UBXN4: variants seen among roughly 807,000 people sequenced by gnomAD.
UBXN4 encodes the protein UBX domain protein 4, also known as UBX domain-containing protein 4.
Under a neutral mutation model 66.2 loss-of-function variants are expected in UBXN4, and 35 were observed. The observed-to-expected ratio is 0.53, with a 90% CI of 0.40 to 0.70. UBXN4 has a LOEUF of 0.70. UBXN4 is among the 30% of genes least tolerant of loss of function. UBXN4 has a pLI of 0.00. For missense variants in UBXN4, 533 were observed against 599.8 expected (o/e 0.89, Z 1.16); for synonymous variants, 203 against 204.5 (o/e 0.99, Z 0.06).
intron 2 of UBXN4, among the ~76,000 whole-genome samples, chr2:135,752,577 G>A (rs985817801): frequency 2.0e-5 from 3 of 152,210 alleles, no homozygotes; most frequent in African/African-American, 7.2e-5. Flanking sequence ...ACATGCCTAA[G>A]TAAGTCGTAG....
At chr2:135,777,859 T>C (rs1313405806) in intron 10 of UBXN4, among the ~76,000 whole-genome samples, 1 of 143,970 alleles carries the variant, frequency 6.9e-6, no homozygotes, top group East Asian at 2.1e-4. Context: ...CTCCAGTCTG[T>C]GCAACAGAGC....
At chr2:135,743,301 GGTTATAT>G (rs1252428094) in intron 1 of UBXN4, among the ~76,000 whole-genome samples, 1 of 151,980 alleles carries the variant, frequency 6.6e-6, no homozygotes, top group East Asian at 1.9e-4. Context: ...GCTGTCTGGG[GGTTATAT>G]TATACTTTAC....
intron 5 of UBXN4, among the ~76,000 whole-genome samples, chr2:135,758,861 T>C (rs1365339086): frequency 6.6e-6 from 1 of 151,990 alleles, no homozygotes; most frequent in East Asian, 1.9e-4. Context: ...CAGGTTCAAG[T>C]GATTCTCCTG....
rs563811446 is a variant in UBXN4, at chr2:135,780,127, G to A, written c.1186-56G>A. On this transcript the variant is annotated intron_variant, in intron 11 of 12. Transcript: ENST00000272638. ...ATAAAAGTTTCATCTGGAACCTTGG[G>A]CGTGATGTGATTGTGCTAACGTAGT... 48 of 1,557,974 alleles carry A rather than the reference G, an allele frequency of 3.1e-5. 1 individual carries two copies. In the African/African-American group the frequency reaches 4.3e-4, roughly 14 times the overall value.
intron 1 of UBXN4, among the ~76,000 whole-genome samples, chr2:135,746,225 A>G (rs1334111855): frequency 6.6e-6 from 1 of 152,116 alleles, no homozygotes; most frequent in Non-Finnish European, 1.5e-5. Context: ...CTCATCTCAC[A>G]AAATATATGC....
chr2:135,762,038 T>A, intron 6 of UBXN4, 127 bp downstream of exon 6: 1 of 908,326 alleles, frequency 1.1e-6, no homozygotes, highest in East Asian at 2.7e-5. Context: ...AAATTTTTGA[T>A]CACCTAACTA....
At chr2:135,775,854 C>T (rs1210892504) in intron 9 of UBXN4, among the ~76,000 whole-genome samples, 1 of 152,180 alleles carries the variant, frequency 6.6e-6, no homozygotes, top group African/African-American at 2.4e-5. Flanking sequence ...GCAACCTACA[C>T]CTCCCGGGTT....
Position 135,782,984 on chromosome 2 carries a change from A to C in UBXN4, c.*97A>C. 2 of 1,336,382 alleles carry C rather than the reference A, an allele frequency of 1.5e-6. No individual in the cohort carries two copies. The highest frequency in any genetic ancestry group is 2.1e-6 in the Non-Finnish European group (2 of 974,138). 82.8% of individuals were successfully genotyped at this position (1,336,382 alleles called of 1,614,324 possible). A position where few individuals can be genotyped will look rare whatever the true frequency, so the allele number is the denominator to read the frequency against. ...AAGTGGGACTGCTTTATATTTTCCA[A>C]CTGGTCTATAAAATGTCTCTTTATT... On this transcript the variant is annotated 3_prime_UTR_variant, in exon 13 of 13. Transcript: ENST00000272638.
intron 6 of UBXN4, among the ~76,000 whole-genome samples, chr2:135,766,845 G>T (rs1290654899): frequency 6.6e-6 from 1 of 152,070 alleles, no homozygotes; most frequent in African/African-American, 2.4e-5. Context: ...ACTTCACCCG[G>T]TGGTTTCAGC....
At chr2:135,770,471 T>C in intron 7 of UBXN4, 100 bp from the exon 8 acceptor site, 1 of 778,024 alleles carries the variant, frequency 1.3e-6, no homozygotes, top group East Asian at 3.0e-5. Flanking sequence ...TTACATTTTA[T>C]GAAGTTTTAT....
intron 5 of UBXN4, among the ~76,000 whole-genome samples, chr2:135,757,785 ATTTT>A (rs112696573): frequency 7.0e-6 from 1 of 143,738 alleles, no homozygotes. Context: ...CTTAAAAAAA[ATTTT>A]TTTTTTTTTT....
At chr2:135,756,440 A>G (rs980897371) in intron 5 of UBXN4, among the ~76,000 whole-genome samples, 2 of 152,166 alleles carry the variant, frequency 1.3e-5, no homozygotes, top group African/African-American at 2.4e-5. Flanking sequence ...CCTTATATTG[A>G]GCTGAAATTT....
In UBXN4 at chr2:135,753,597, A is replaced by G. The variant is rs746625482; in HGVS notation, c.214+30A>G. The stretch of plus-strand genomic sequence containing the variant: ...CCTTTCAGTAAAGAATGGCTTATAT[A>G]TATACATTTATTTACCTTCCTTTTG... On this transcript the variant is annotated intron_variant, in intron 3 of 12. Coordinates refer to ENST00000272638, the MANE Select transcript of UBXN4 (RefSeq NM_014607.4). 32 of 1,472,072 alleles carry G rather than the reference A, an allele frequency of 2.2e-5. No homozygotes were observed. In the African/African-American group the frequency reaches 3.9e-4, roughly 18 times the overall value. 91.2% of individuals were successfully genotyped at this position (1,472,072 alleles called of 1,614,324 possible).
At chr2:135,754,104 C>T (rs543249769) in intron 3 of UBXN4, 55 bp from the exon 4 acceptor site, 60 of 1,267,184 alleles carry the variant, frequency 4.7e-5, no homozygotes, top group African/African-American at 1.2e-4. Context: ...AATAGTGTTT[C>T]GTAAAACTAT....
chr2:135,752,104 A>G (rs551671004), intron 2 of UBXN4, among the ~76,000 whole-genome samples: 3 of 152,026 alleles, frequency 2.0e-5, no homozygotes, highest in East Asian at 1.9e-4. Context: ...CTGGAGTGCA[A>G]TGGCATGATC....
In UBXN4 at chr2:135,741,885, T is replaced by A. The variant is rs747313124; in HGVS notation, c.-45T>A. On this transcript the variant is annotated 5_prime_UTR_variant, in exon 1 of 13. Transcript: ENST00000272638. ...CGGAGGGCGGAGCCGGCTTCGGGAC[T>A]GCGGAGACTACACACCGAGCGAGCG... 7.0e-6 allele frequency: 11 copies of A among 1,581,630 alleles called. No homozygotes were observed. Among genetic ancestry groups the A allele is most frequent in the African/African-American group, 1.4e-5 (1 of 73,258 alleles).
At chr2:135,766,773 A>G (rs2105502709) in intron 6 of UBXN4, among the ~76,000 whole-genome samples, 1 of 152,048 alleles carries the variant, frequency 6.6e-6, no homozygotes, top group African/African-American at 2.4e-5. Context: ...TACCCTTTTC[A>G]TTTTCTAATA....
intron 10 of UBXN4, among the ~76,000 whole-genome samples, chr2:135,776,803 G>A (rs1311113421): frequency 1.3e-5 from 2 of 151,862 alleles, no homozygotes; most frequent in Non-Finnish European, 2.9e-5. Flanking sequence ...CCATGTAGCC[G>A]GGCTGGTCTT....
chr2:135,768,180 A>G (rs2077358980), intron 6 of UBXN4, among the ~76,000 whole-genome samples: 2 of 152,092 alleles, frequency 1.3e-5, no homozygotes, highest in South Asian at 4.1e-4. Context: ...CTAATTTCAG[A>G]ATCATTATTT....
Sources: allele counts gnomAD v4.1 joint callset (sites outside exome capture counted in the v4.1 genomes callset), GRCh38; gene constraint gnomAD v4.1.1; transcripts MANE v1.5; gene names NCBI Gene and HGNC (gene_info 2026-07-23, HGNC 2026-07-21).